The following SLC11A1 variants were observed in gnomAD, a reference collection of about 807,000 sequenced individuals.
SLC11A1 encodes the protein solute carrier family 11 member 1, also known as natural resistance-associated macrophage protein 1.
Under a neutral mutation model 63.2 loss-of-function variants are expected in SLC11A1, and 59 were observed. The ratio of observed to expected loss-of-function variants is 0.93; its 90% CI spans 0.76 to 1.16. The LOEUF is 1.16. Ranked by LOEUF, SLC11A1 falls within the 50% of genes most tolerant of loss-of-function variation. The pLI is 0.00. For missense variants in SLC11A1, 688 were observed against 730.7 expected, an observed-to-expected ratio of 0.94 and a Z score of 0.67; for synonymous variants, 305 against 307.8, an observed-to-expected ratio of 0.99 and a Z score of 0.09.
chr2:218,389,947 C>A lies in SLC11A1; in HGVS notation c.873C>A (p.Ala291=), dbSNP rs752852291. 2.5e-6 allele frequency: 4 copies of A among 1,614,080 alleles called. No homozygotes were observed. In the East Asian group the frequency reaches 8.9e-5, roughly 36 times the overall value. ...NMYFLIEATI[A]LSVSFIINLF... is the part of the protein sequence containing the mutation. ...ACTTCCTGATTGAGGCCACCATCGCCCTGTCCGTCTCCTTTATCATCAACC... is the reference window on the plus strand; with the variant it reads ...ACTTCCTGATTGAGGCCACCATCGCACTGTCCGTCTCCTTTATCATCAACC... The change falls in exon 9 of 15, where the codon GCC becomes GCA. Residue 291 remains alanine (A), a synonymous_variant. Transcript: ENST00000233202.
intron 3 of SLC11A1, 84 bp from the exon 4 acceptor site, chr2:218,385,063 A>G: frequency 3.2e-6 from 5 of 1,576,202 alleles, no homozygotes; most frequent in Non-Finnish European, 3.4e-6. Context: ...CCCGAGGAGT[A>G]TGCTTGGTTA....
chr2:218,383,142 CAGGATCCTGA>C (rs972188756), intron 2 of SLC11A1, 40 bp downstream of exon 2: 1 of 1,606,938 alleles, frequency 6.2e-7, no homozygotes, highest in African/African-American at 1.3e-5. Flanking sequence ...GCAAGATTGA[CAGGATCCTGA>C]AGGATCCCAT....
rs987161359 is a variant in SLC11A1, at chr2:218,395,104, C to A, written c.*69C>A. On this transcript the variant is annotated 3_prime_UTR_variant, in exon 15 of 15. Transcript: ENST00000233202. The stretch of plus-strand genomic sequence containing the variant: ...TGGCCTGCTGGATGTGGAGGGGGCG[C>A]GTGCAGGCAGCAGGATAGAGTGGGA... The A allele has an allele frequency of 5.7e-6, 7 of 1,230,242 alleles. No individual in the cohort carries two copies. Among genetic ancestry groups the A allele is most frequent in the Non-Finnish European group, 8.1e-6 (7 of 865,564 alleles). The allele number at this position is 1,230,242 out of a possible 1,614,324, so 76.2% of individuals were successfully genotyped here.
chr2:218,395,097 G>A lies in SLC11A1; in HGVS notation c.*62G>A, dbSNP rs1031847904. ...ACGTGACTGGCCTGCTGGATGTGGA[G>A]GGGGCGCGTGCAGGCAGCAGGATAG... is the stretch of plus-strand genomic sequence containing the variant. On this transcript the variant is annotated 3_prime_UTR_variant, in exon 15 of 15. Transcript: ENST00000233202. 38 of 1,293,872 alleles carry A rather than the reference G, an allele frequency of 2.9e-5. No individual in the cohort carries two copies. Among genetic ancestry groups the A allele is most frequent in the Non-Finnish European group, 3.8e-5 (35 of 921,440 alleles). The allele number at this position is 1,293,872 out of a possible 1,614,324, so 80.1% of individuals were successfully genotyped here.
At chr2:218,388,652 A>T (rs2106333593) in intron 8 of SLC11A1, among the ~76,000 whole-genome samples, 1 of 151,562 alleles carries the variant, frequency 6.6e-6, no homozygotes, top group Non-Finnish European at 1.5e-5. Flanking sequence ...AATACAGAAA[A>T]TTAGCCGGAA....
intron 5 of SLC11A1, 26 bp from the exon 6 acceptor site, chr2:218,387,134 G>T (rs1430158498): frequency 6.2e-7 from 1 of 1,611,606 alleles, no homozygotes; most frequent in Non-Finnish European, 8.5e-7. Flanking sequence ...ACCAGGCTGG[G>T]CTGACCCGGG....
rs1311046621 is a variant in SLC11A1 at position 218,395,209 on chromosome 2, TCA to T, written c.*175_*176del. On this transcript the variant is annotated 3_prime_UTR_variant, in exon 15 of 15. Transcript: ENST00000233202. ...CAGCCATGTGATTACCCTCTGGGTCTCAGTGTCCTCATCTGTAAAATGGAGAC... is the reference window on the plus strand; with the variant it reads ...CAGCCATGTGATTACCCTCTGGGTCTGTGTCCTCATCTGTAAAATGGAGAC... 12 of 597,308 alleles carry T rather than the reference TCA, an allele frequency of 2.0e-5. No homozygotes were observed. The highest frequency in any genetic ancestry group is 5.8e-5 in the Admixed American group (2 of 34,550). 37.0% of individuals were successfully genotyped at this position (597,308 alleles called of 1,614,324 possible).
Position 218,386,621 on chromosome 2 carries a change from T to A in SLC11A1, c.394-14T>A. The A allele has an allele frequency of 6.3e-7, 1 of 1,595,400 alleles. No individual in the cohort carries two copies. Among genetic ancestry groups the A allele is most frequent in the African/African-American group, 1.3e-5 (1 of 74,698 alleles). ...CCGGCCCACCCTTAATGAAGGATCA[T>A]CTCCTCCCCATAGGTGCCCCGCACC... is the stretch of plus-strand genomic sequence containing the variant. On this transcript the variant is annotated splice_polypyrimidine_tract_variant and intron_variant, in intron 4 of 14. Coordinates refer to ENST00000233202, the MANE Select transcript of SLC11A1 (RefSeq NM_000578.4).
chr2:218,396,234 G>A lies in SLC11A1; in HGVS notation c.*1199G>A. 6.6e-6 allele frequency: 1 copy of A among 152,350 alleles called. No individual in the cohort carries two copies. Among genetic ancestry groups the A allele is most frequent in the East Asian group, 1.9e-4 (1 of 5,242 alleles). 9.4% of individuals were successfully genotyped at this position (152,350 alleles called of 1,614,324 possible). A position where few individuals can be genotyped will look rare whatever the true frequency, so the allele number is the denominator to read the frequency against. ...GAGTGGGTGGGAGGAAGCTGTGTGG[G>A]CGGGGAGCCCCCTCTGCCTTAGGGA... On this transcript the variant is annotated 3_prime_UTR_variant, in exon 15 of 15. Coordinates refer to ENST00000233202, the MANE Select transcript of SLC11A1 (RefSeq NM_000578.4).
At chr2:218,393,481 T>C (rs1574779411) in intron 12 of SLC11A1, among the ~76,000 whole-genome samples, 1 of 151,004 alleles carries the variant, frequency 6.6e-6, no homozygotes, top group Non-Finnish European at 1.5e-5. Flanking sequence ...CTAATTTTTT[T>C]TTTTTTTTTT....
chr2:218,386,829 A>G (rs765551371), intron 5 of SLC11A1, 88 bp downstream of exon 5: 19 of 961,854 alleles, frequency 2.0e-5, no homozygotes, highest in African/African-American at 1.1e-4. Context: ...CCCAGAGTCT[A>G]TTTTATCCTG....
At chr2:218,383,265 C>T (rs991508721) in intron 2 of SLC11A1, 163 bp downstream of exon 2, 15 of 697,170 alleles carry the variant, frequency 2.2e-5, no homozygotes, top group Non-Finnish European at 3.3e-5. Context: ...GCTTCCGTCC[C>T]CAGTGCTTAG....
intron 6 of SLC11A1, 30 bp from the exon 7 acceptor site, chr2:218,387,535 T>C: frequency 9.9e-6 from 16 of 1,609,360 alleles, no homozygotes; most frequent in Non-Finnish European, 1.4e-5. Context: ...TTTTCGTTGG[T>C]TTGTTTAGTT....
intron 9 of SLC11A1, among the ~76,000 whole-genome samples, chr2:218,390,508 C>T (rs1419301283): frequency 6.6e-6 from 1 of 152,206 alleles, no homozygotes; most frequent in East Asian, 1.9e-4. Flanking sequence ...CTGAGTGGAT[C>T]TCAGTCATGA....
Position 218,395,150 on chromosome 2 carries a change from C to A in SLC11A1, c.*115C>A. The A allele has an allele frequency of 2.6e-6, 2 of 759,842 alleles. No homozygotes were observed. The highest frequency in any genetic ancestry group is 4.3e-6 in the Non-Finnish European group (2 of 462,914). The allele number at this position is 759,842 out of a possible 1,614,324, so 47.1% of individuals were successfully genotyped here. On this transcript the variant is annotated 3_prime_UTR_variant, in exon 15 of 15. Coordinates refer to ENST00000233202, the MANE Select transcript of SLC11A1 (RefSeq NM_000578.4). ...TGGGACAGTTCCTGAGACCAGCCAA[C>A]CTGGGGGCTTTAGGGACCTGCTGTT...
At position 218,384,665 on chromosome 2, in the gene SLC11A1, A is replaced by G. The variant is rs1008959614; in HGVS notation, c.273+300A>G. 3.2e-5 allele frequency: 5 copies of G among 158,296 alleles called. No homozygotes were observed. The highest frequency in any genetic ancestry group is 6.0e-5 in the Admixed American group (1 of 16,576). The allele number at this position is 158,296 out of a possible 1,614,324, so 9.8% of individuals were successfully genotyped here. ...ACCCAGGCTGGAGTGCAGTGGCACAATCTCGGCTCACTGCAACCTCTGCCT... is the reference window on the plus strand; with the variant it reads ...ACCCAGGCTGGAGTGCAGTGGCACAGTCTCGGCTCACTGCAACCTCTGCCT... On this transcript the variant is annotated intron_variant, in intron 3 of 14. Coordinates refer to ENST00000233202, the MANE Select transcript of SLC11A1 (RefSeq NM_000578.4). This position sits in a 1 kb window ranked among gnomAD's most constrained non-coding sequence, Gnocchi z 4.0.
chr2:218,391,522 GC>G, intron 11 of SLC11A1, 27 bp downstream of exon 11: 1 of 1,560,528 alleles, frequency 6.4e-7, no homozygotes, highest in Admixed American at 1.9e-5. Context: ...GCCCAGGAGG[GC>G]AAGGGGTCCA....
Position 218,396,835 on chromosome 2 carries a change from C to G in SLC11A1, c.*1800C>G, listed in dbSNP as rs922298463. 6.5e-6 allele frequency: 1 copy of G among 152,704 alleles called. No homozygotes were observed. The highest frequency in any genetic ancestry group is 2.4e-5 in the African/African-American group (1 of 41,468). The allele number at this position is 152,704 out of a possible 1,614,324, so 9.5% of individuals were successfully genotyped here. On this transcript the variant is annotated 3_prime_UTR_variant, in exon 15 of 15. Transcript: ENST00000233202. ...TTGAGTGCCAGTCCTCTGCCAGGCT[C>G]TGTGTTACAAGTTGGGGAGGGCGGC...
At chr2:218,392,065 C>CT in intron 11 of SLC11A1, 2 of 351,946 alleles carry the variant, frequency 5.7e-6, no homozygotes, top group Non-Finnish European at 1.1e-5. Context: ...CTTTTCTTTT[C>CT]TTTCTTTCTT....
Sources: allele counts gnomAD v4.1 joint callset (sites outside exome capture counted in the v4.1 genomes callset), GRCh38; gene constraint gnomAD v4.1.1; non-coding constraint Gnocchi (gnomAD v3.1); transcripts MANE v1.5; gene names NCBI Gene and HGNC (gene_info 2026-07-23, HGNC 2026-07-21).